CAMK2G: variants seen among roughly 807,000 people sequenced by gnomAD.
CAMK2G encodes calcium/calmodulin-dependent protein kinase type II subunit gamma.
Under a neutral mutation model 88.7 loss-of-function variants are expected in CAMK2G, and 23 were observed. That is an observed-to-expected ratio of 0.26 (90% CI 0.19 to 0.37). The LOEUF is 0.37. Among genes scored for constraint, CAMK2G ranks in the 10% least tolerant of loss-of-function variants. The probability of loss-of-function intolerance (pLI) is 1.00; values close to 1 mark genes in which losing one functional copy is unlikely to be tolerated. For synonymous variants in CAMK2G, 263 were observed against 294.8 expected (o/e 0.89, Z 1.11); for missense variants, 476 against 780.8 (o/e 0.61, Z 4.65).
At chr10:73,825,396 A>G in intron 15 of CAMK2G, 49 bp from the exon 16 acceptor site, 1 of 1,466,740 alleles carries the variant, frequency 6.8e-7, no homozygotes. Flanking sequence ...CCCCAAGGCC[A>G]CTCAGGTTCA....
intron 14 of CAMK2G, chr10:73,837,230 CTA>C: frequency 3.5e-6 from 2 of 564,748 alleles, no homozygotes; most frequent in Non-Finnish European, 6.4e-6. Flanking sequence ...CTGGTATAAA[CTA>C]TGATTTGGAT....
intron 2 of CAMK2G, 151 bp downstream of exon 2, chr10:73,872,838 G>T (rs561554232): frequency 4.3e-6 from 3 of 696,318 alleles, no homozygotes; most frequent in African/African-American, 1.8e-5. Context: ...TCCTTTTCTG[G>T]CTTCAGCCTG....
rs1339976815 is a variant in CAMK2G at position 73,874,467 on chromosome 10, C to A, written c.-6G>T. On this transcript the variant is annotated 5_prime_UTR_variant, in exon 1 of 23. Transcript: ENST00000423381. ...CAGGTGGCGGTGGTGGCCATGCTGG[C>A]GGGCGGGCGGACGCGGCGGTGCAGC... 2.0e-6 allele frequency: 3 copies of A among 1,489,938 alleles called. No individual in the cohort carries two copies. The highest frequency in any genetic ancestry group is 2.9e-5 in the African/African-American group (2 of 69,234). 92.3% of individuals were successfully genotyped at this position (1,489,938 alleles called of 1,614,324 possible). A position where few individuals can be genotyped will look rare whatever the true frequency, so the allele number is the denominator to read the frequency against.
At chr10:73,852,164 C>T in intron 5 of CAMK2G, 90 bp downstream of exon 5, 2 of 912,220 alleles carry the variant, frequency 2.2e-6, no homozygotes, top group Non-Finnish European at 3.7e-6. Context: ...ACTATTCAAA[C>T]AGGTACAATG....
chr10:73,857,083 A>T (rs969469926), intron 3 of CAMK2G, among the ~76,000 whole-genome samples: 1 of 152,116 alleles, frequency 6.6e-6, no homozygotes, highest in East Asian at 1.9e-4. Context: ...CACCCCCACC[A>T]TGGGGGCAGG....
Position 73,849,013 on chromosome 10 carries a change from C to G in CAMK2G, c.517G>C (p.Gly173Arg). 6.2e-7 allele frequency: 1 copy of G among 1,600,256 alleles called. No individual in the cohort carries two copies. Among genetic ancestry groups the G allele is most frequent in the Non-Finnish European group, 8.6e-7 (1 of 1,167,396 alleles). Residue 173 changes from glycine (G) to arginine (R), a missense_variant and splice_region_variant, in exon 7 of 23, where the codon GGT (glycine) becomes CGT (arginine). Gly to Arg is a moderately radical substitution (Grantham distance 125). Transcript: ENST00000423381. The part of the protein sequence containing the change: ...EVQGEQQAWF[G>R]FAGTPGYLSP... Reference sequence around the variant, plus strand: ...TCCGGGAAGACAGGATCACCCTTACCAAACCAAGCCTGCTGCTCTCCCTGT... The same window carrying G: ...TCCGGGAAGACAGGATCACCCTTACGAAACCAAGCCTGCTGCTCTCCCTGT...
intron 3 of CAMK2G, among the ~76,000 whole-genome samples, chr10:73,854,038 G>A (rs1267091205): frequency 6.6e-6 from 1 of 152,134 alleles, no homozygotes; most frequent in Non-Finnish European, 1.5e-5. Context: ...TCTTAACAAA[G>A]GCCAAAGAGC....
chr10:73,853,312 C>T, intron 3 of CAMK2G, 66 bp from the exon 4 acceptor site: 2 of 1,407,252 alleles, frequency 1.4e-6, no homozygotes, highest in South Asian at 1.2e-5. Flanking sequence ...GGCTTCTCCT[C>T]AGCAGCCCCA....
Position 73,819,573 on chromosome 10 carries a change from G to C in CAMK2G, c.1322C>G (p.Ser441Cys). The C allele has an allele frequency of 6.5e-7, 1 of 1,549,504 alleles. No homozygotes were observed. Residue 441 changes from serine (S) to cysteine (C), a missense_variant, in exon 19 of 23, where the codon TCT (serine) becomes TGT (cysteine). Ser to Cys is a moderately radical substitution (Grantham distance 112). Transcript: ENST00000423381. ...GRSSRDRTAPSAGMQPQPSLC... is the reference protein window; with the variant it reads ...GRSSRDRTAPCAGMQPQPSLC... ...AGAAGGCTGGGGCTGCATGCCTGCA[G>C]AGGGGGCTGTTCTGTCCCGGGAGCT... is the stretch of plus-strand genomic sequence containing the variant.
In CAMK2G at chr10:73,839,684, C is replaced by T; in HGVS notation, c.947-83G>A. The T allele has an allele frequency of 1.1e-6, 1 of 913,806 alleles. No homozygotes were observed. Among genetic ancestry groups the T allele is most frequent in the Non-Finnish European group, 1.4e-6 (1 of 696,824 alleles). The allele number at this position is 913,806 out of a possible 1,614,324, so 56.6% of individuals were successfully genotyped here. A position where few individuals can be genotyped will look rare whatever the true frequency, so the allele number is the denominator to read the frequency against. On this transcript the variant is annotated intron_variant, in intron 12 of 22. Transcript: ENST00000423381. The surrounding 1 kb of genome is among the most constrained non-coding windows in gnomAD (Gnocchi z 4.2). The stretch of plus-strand genomic sequence containing the variant: ...AGCGAGCATGCCCCAGCGCGAGGCG[C>T]AGCCCAGGCGGCGTGGCCAAGCCAG...
intron 2 of CAMK2G, among the ~76,000 whole-genome samples, chr10:73,863,239 T>G (rs1209970273): frequency 6.6e-6 from 1 of 152,188 alleles, no homozygotes. Context: ...TTCCTGTGCC[T>G]GGGTTCAGCA....
intron 12 of CAMK2G, among the ~76,000 whole-genome samples, chr10:73,841,323 G>T (rs1054356482): frequency 6.6e-5 from 10 of 152,166 alleles, no homozygotes; most frequent in Non-Finnish European, 1.3e-4. Flanking sequence ...AGAAGGGGGG[G>T]TCTTGAACCA....
intron 15 of CAMK2G, among the ~76,000 whole-genome samples, chr10:73,827,787 A>G (rs2091449101): frequency 6.6e-6 from 1 of 152,190 alleles, no homozygotes; most frequent in Non-Finnish European, 1.5e-5. Context: ...CAAGAGAGTG[A>G]GGGTCTCTCC....
intron 14 of CAMK2G, among the ~76,000 whole-genome samples, chr10:73,832,767 A>T (rs2092651488): frequency 6.6e-6 from 1 of 152,130 alleles, no homozygotes; most frequent in Admixed American, 6.6e-5. Context: ...GCTTTTAAAA[A>T]ATCTTTTTAT....
In CAMK2G at chr10:73,828,281, G is replaced by A. The variant is rs1301139325; in HGVS notation, c.1054-160C>T. Among the ~76,000 whole-genome samples the A allele has an allele frequency of 2.6e-5, 4 of 152,266 alleles. 1 individual carries two copies. In the South Asian group the frequency reaches 6.2e-4, roughly 24 times the overall value. On this transcript the variant is annotated intron_variant, in intron 14 of 22. Coordinates refer to ENST00000423381, the MANE Select transcript of CAMK2G (RefSeq NM_001367534.1). ...AGCACCAGAGGGTTAAACAGCACACGGACCGACAGGCACTCACACCCTCCA... is the reference window on the plus strand; with the variant it reads ...AGCACCAGAGGGTTAAACAGCACACAGACCGACAGGCACTCACACCCTCCA...
chr10:73,816,202 CCAT>C (rs2085423698), intron 21 of CAMK2G: 2 of 985,466 alleles, frequency 2.0e-6, no homozygotes, highest in South Asian at 9.4e-5. Flanking sequence ...CCCTTATTTT[CCAT>C]GAACTGTCCA....
At chr10:73,835,463 ATTTT>A (rs777685745) in intron 14 of CAMK2G, among the ~76,000 whole-genome samples, 2 of 140,004 alleles carry the variant, frequency 1.4e-5, no homozygotes, top group Non-Finnish European at 1.6e-5. Context: ...TGCCCAGTTA[ATTTT>A]TTTTTTTTTT....
chr10:73,816,852 G>A (rs1165613131), intron 21 of CAMK2G, 171 bp downstream of exon 21: 2 of 1,588,836 alleles, frequency 1.3e-6, no homozygotes, highest in Admixed American at 1.8e-5. Context: ...GCCTTCAAAG[G>A]TGCCTGTCTA....
At chr10:73,818,449 T>C (rs1434255885) in intron 19 of CAMK2G, 1 of 334,240 alleles carries the variant, frequency 3.0e-6, no homozygotes, top group East Asian at 7.6e-5. Context: ...GAGCTTGGGT[T>C]GAGCTTGGGC....
Sources: gnomAD v4.1 joint callset for allele counts (sites outside exome capture counted in the v4.1 genomes callset) on GRCh38, gnomAD v4.1.1 for gene constraint, Gnocchi (gnomAD v3.1) non-coding constraint, MANE v1.5 for transcripts, NCBI Gene and HGNC (gene_info 2026-07-23, HGNC 2026-07-21) for gene names.